The following TMEM132C variants were observed in gnomAD, a reference collection of about 807,000 sequenced individuals.
The protein encoded by TMEM132C is transmembrane protein 132C.
TMEM132C carries 29 observed loss-of-function variants against 61.4 expected under a neutral mutation model. That is an observed-to-expected ratio of 0.47 (90% CI 0.35 to 0.64). The LOEUF (loss-of-function observed/expected upper bound fraction) is 0.64. Among genes scored for constraint, TMEM132C ranks in the 30% least tolerant of loss-of-function variants. The pLI, the probability that TMEM132C is intolerant of heterozygous loss-of-function variation, is 0.00. For synonymous variants in TMEM132C, 656 were observed against 633.1 expected (o/e 1.04, Z -0.54); for missense variants, 1,408 against 1,476.9 (o/e 0.95, Z 0.76).
chr12:128,304,105 A>G (rs539566410), intron 1 of TMEM132C, among the ~76,000 whole-genome samples: 36 of 152,202 alleles, frequency 2.4e-4, no homozygotes, highest in African/African-American at 8.2e-4. Context: ...GCTGACTGAT[A>G]CCCTTCATGT....
intron 1 of TMEM132C, among the ~76,000 whole-genome samples, chr12:128,410,581 T>C (rs960940575): frequency 6.6e-6 from 1 of 152,056 alleles, no homozygotes; most frequent in Non-Finnish European, 1.5e-5. Flanking sequence ...TTTTTTTGTA[T>C]TTTTAGTAGA....
rs1870328202 is a variant in TMEM132C, at chr12:128,267,174, A to G, written c.-229A>G. ...GAGGCTGCGGAGGCTGCGGGAGAAAAGTTGTCCCGGCCGGAGCGCGAGCAG... is the reference window on the plus strand; with the variant it reads ...GAGGCTGCGGAGGCTGCGGGAGAAAGGTTGTCCCGGCCGGAGCGCGAGCAG... On this transcript the variant is annotated 5_prime_UTR_variant, in exon 1 of 9. Coordinates refer to ENST00000435159, the MANE Select transcript of TMEM132C (RefSeq NM_001136103.3). 1.4e-5 allele frequency among the ~76,000 whole-genome samples: 2 copies of G among 143,486 alleles called. No homozygotes were observed. The highest frequency in any genetic ancestry group is 2.2e-4 in the South Asian group (1 of 4,630). The allele number at this position is 143,486 out of a possible 152,430, so 94.1% of individuals were successfully genotyped here.
chr12:128,400,851 C>A (rs1875132299), intron 1 of TMEM132C, among the ~76,000 whole-genome samples: 3 of 151,910 alleles, frequency 2.0e-5, no homozygotes, highest in Non-Finnish European at 2.9e-5. Flanking sequence ...CTCAAGGGAT[C>A]CACCGCCTTA....
chr12:128,480,091 C>G (rs562479518), intron 2 of TMEM132C, among the ~76,000 whole-genome samples: 4 of 152,146 alleles, frequency 2.6e-5, no homozygotes, highest in Admixed American at 2.6e-4. Context: ...GACCACATCT[C>G]TACAAAAATT....
intron 1 of TMEM132C, among the ~76,000 whole-genome samples, chr12:128,304,606 C>T (rs977085244): frequency 1.4e-5 from 2 of 144,132 alleles, no homozygotes; most frequent in East Asian, 4.0e-4. Context: ...AAGCCTCCGT[C>T]TCAAAAAAAA....
In TMEM132C at chr12:128,597,565, C is replaced by T. The variant is rs936060963; in HGVS notation, c.1122-18587C>T. Reference sequence around the variant, plus strand: ...TAAGCTGGAAGCTAGAACAAAGGAACATAGATTCATTATCTTATTATTAAC... The same window carrying T: ...TAAGCTGGAAGCTAGAACAAAGGAATATAGATTCATTATCTTATTATTAAC... On this transcript the variant is annotated intron_variant, in intron 3 of 8. Transcript: ENST00000435159. Among the ~76,000 whole-genome samples the T allele has an allele frequency of 7.2e-5, 11 of 152,234 alleles. No homozygotes were observed. In the East Asian group the frequency reaches 2.1e-3, roughly 29 times the overall value.
chr12:128,604,852 G>C (rs553058249), intron 3 of TMEM132C, among the ~76,000 whole-genome samples: 8 of 151,476 alleles, frequency 5.3e-5, no homozygotes, highest in African/African-American at 1.9e-4. Flanking sequence ...TAGACAGACA[G>C]ATGGCTAGAT....
rs1391359085 is a variant in TMEM132C at position 128,267,495 on chromosome 12, C to T, written c.85+8C>T. 7 of 1,244,020 alleles carry T rather than the reference C, an allele frequency of 5.6e-6. No homozygotes were observed. The highest frequency in any genetic ancestry group is 7.0e-6 in the Non-Finnish European group (7 of 994,568). The allele number at this position is 1,244,020 out of a possible 1,614,324, so 77.1% of individuals were successfully genotyped here. On this transcript the variant is annotated splice_region_variant and intron_variant, in intron 1 of 8. Coordinates refer to ENST00000435159, the MANE Select transcript of TMEM132C (RefSeq NM_001136103.3). Reference sequence around the variant, plus strand: ...GCGCGCTGCTGGGCAAAGGTAAGGCCGGGGCGGGTGCCTGGCGCGCCGACG... The same window carrying T: ...GCGCGCTGCTGGGCAAAGGTAAGGCTGGGGCGGGTGCCTGGCGCGCCGACG...
At chr12:128,310,476 G>A (rs1419577779) in intron 1 of TMEM132C, among the ~76,000 whole-genome samples, 3 of 152,118 alleles carry the variant, frequency 2.0e-5, no homozygotes, top group Admixed American at 6.5e-5. Context: ...GTGGCAGAAA[G>A]TGAAAGAGAG....
At chr12:128,481,196 C>T (rs557626025) in intron 2 of TMEM132C, among the ~76,000 whole-genome samples, 5 of 152,302 alleles carry the variant, frequency 3.3e-5, no homozygotes, top group African/African-American at 9.6e-5. Context: ...GTAAGGGCAG[C>T]GGCAGGTGAC....
At chr12:128,436,487 A>G (rs935385109) in intron 2 of TMEM132C, among the ~76,000 whole-genome samples, 1 of 152,250 alleles carries the variant, frequency 6.6e-6, no homozygotes, top group Admixed American at 6.5e-5. Context: ...TGGGCAAAGG[A>G]TATGAACAGA....
At chr12:128,327,401 G>C (rs1349109784) in intron 1 of TMEM132C, among the ~76,000 whole-genome samples, 1 of 148,104 alleles carries the variant, frequency 6.8e-6, no homozygotes, top group Non-Finnish European at 1.5e-5. Context: ...TTTGTTTTTT[G>C]AGATGGAGTC....
At chr12:128,590,649 G>A (rs558769496) in intron 3 of TMEM132C, among the ~76,000 whole-genome samples, 11 of 152,308 alleles carry the variant, frequency 7.2e-5, no homozygotes, top group Middle Eastern at 3.4e-3. Flanking sequence ...AAGGAGAATG[G>A]TGTTGAGTCA....
At chr12:128,280,016 T>C (rs1463619998) in intron 1 of TMEM132C, among the ~76,000 whole-genome samples, 5 of 152,230 alleles carry the variant, frequency 3.3e-5, no homozygotes. Context: ...GACTTCAGTC[T>C]GTCTTCGGCT....
At chr12:128,648,675 G>A (rs1240516940) in intron 4 of TMEM132C, among the ~76,000 whole-genome samples, 1 of 151,864 alleles carries the variant, frequency 6.6e-6, no homozygotes, top group Non-Finnish European at 1.5e-5. Flanking sequence ...GTTTACTGGA[G>A]TCCATCAGCA....
At chr12:128,581,040 ACCTCCCAC>A (rs1365745432) in intron 3 of TMEM132C, among the ~76,000 whole-genome samples, 1 of 152,052 alleles carries the variant, frequency 6.6e-6, no homozygotes, top group African/African-American at 2.4e-5. Flanking sequence ...ACAACACCAA[ACCTCCCAC>A]CCTCCAGAAG....
At chr12:128,448,657 ACTT>A (rs1489217524) in intron 2 of TMEM132C, among the ~76,000 whole-genome samples, 1 of 152,168 alleles carries the variant, frequency 6.6e-6, no homozygotes, top group East Asian at 1.9e-4. Flanking sequence ...AACAGATCCC[ACTT>A]CTTAATAGGA....
At chr12:128,397,559 A>G (rs1875005879) in intron 1 of TMEM132C, among the ~76,000 whole-genome samples, 1 of 152,162 alleles carries the variant, frequency 6.6e-6, no homozygotes, top group Admixed American at 6.5e-5. Context: ...TTTTGCTCTT[A>G]CTGTGGGTTT....
intron 1 of TMEM132C, among the ~76,000 whole-genome samples, chr12:128,328,249 A>G (rs1872582070): frequency 6.6e-6 from 1 of 152,218 alleles, no homozygotes; most frequent in South Asian, 2.1e-4. Flanking sequence ...TGGTTGCTTA[A>G]AACAAGGCTA....
Sources: gnomAD v4.1 joint callset for allele counts (sites outside exome capture counted in the v4.1 genomes callset) on GRCh38, gnomAD v4.1.1 for gene constraint, MANE v1.5 for transcripts, NCBI Gene and HGNC (gene_info 2026-07-23, HGNC 2026-07-21) for gene names.